Variants in LHFPL6 observed in about 807,000 individuals in gnomAD.
The protein encoded by LHFPL6 is LHFPL tetraspan subfamily member 6 protein.
In LHFPL6, 9 loss-of-function variants were observed where a neutral mutation model predicts 20.6. The observed-to-expected ratio is 0.44, with a 90% CI of 0.26 to 0.76. LHFPL6 has a LOEUF of 0.76. Among genes scored for constraint, LHFPL6 ranks in the 30% least tolerant of loss-of-function variants. The pLI, the probability that LHFPL6 is intolerant of heterozygous loss-of-function variation, is 0.20. For missense variants in LHFPL6, 218 were observed against 253.5 expected (o/e 0.86, Z 0.95); for synonymous variants, 105 against 98.7 (o/e 1.06, Z -0.38).
chr13:39,399,195 C>T (rs1461123357), intron 2 of LHFPL6, among the ~76,000 whole-genome samples: 1 of 152,174 alleles, frequency 6.6e-6, no homozygotes, highest in Non-Finnish European at 1.5e-5. Flanking sequence ...TAGGGTCAAT[C>T]TGGTTTATTC....
chr13:39,594,326 CA>C (rs1309036141), intron 2 of LHFPL6, among the ~76,000 whole-genome samples: 8 of 152,190 alleles, frequency 5.3e-5, no homozygotes, highest in African/African-American at 1.9e-4. Flanking sequence ...AGACACTTCT[CA>C]AAAGAAGACA....
chr13:39,492,153 T>C (rs1051034858), intron 2 of LHFPL6, among the ~76,000 whole-genome samples: 1 of 152,178 alleles, frequency 6.6e-6, no homozygotes, highest in Non-Finnish European at 1.5e-5. Flanking sequence ...ATGAGTACAT[T>C]GTGAATATGA....
At chr13:39,552,529 T>C (rs1435461101) in intron 2 of LHFPL6, among the ~76,000 whole-genome samples, 1 of 152,216 alleles carries the variant, frequency 6.6e-6, no homozygotes, top group Non-Finnish European at 1.5e-5. Flanking sequence ...GTGTCTATTT[T>C]ACATAAAGAT....
At chr13:39,510,191 G>A (rs374440454) in intron 2 of LHFPL6, among the ~76,000 whole-genome samples, 11 of 152,176 alleles carry the variant, frequency 7.2e-5, no homozygotes, top group African/African-American at 2.7e-4. Context: ...AGCACTTCAC[G>A]TGAGAGTAAA....
At chr13:39,592,212 T>A (rs1243467125) in intron 2 of LHFPL6, among the ~76,000 whole-genome samples, 1 of 151,910 alleles carries the variant, frequency 6.6e-6, no homozygotes, top group East Asian at 1.9e-4. Flanking sequence ...AACAAGCTTT[T>A]TAGAAAAAAA....
At chr13:39,553,309 T>C (rs1871197176) in intron 2 of LHFPL6, among the ~76,000 whole-genome samples, 2 of 152,168 alleles carry the variant, frequency 1.3e-5, no homozygotes, top group African/African-American at 4.8e-5. Context: ...CTCCCTGGAA[T>C]GTAAATTTGC....
intron 2 of LHFPL6, among the ~76,000 whole-genome samples, chr13:39,522,324 C>T (rs1870133661): frequency 6.6e-6 from 1 of 152,222 alleles, no homozygotes; most frequent in Non-Finnish European, 1.5e-5. Flanking sequence ...GATTACACAG[C>T]TAGTAAGTGG....
At chr13:39,357,136 C>T (rs1363395528) in intron 3 of LHFPL6, among the ~76,000 whole-genome samples, 1 of 152,154 alleles carries the variant, frequency 6.6e-6, no homozygotes, top group Non-Finnish European at 1.5e-5. Flanking sequence ...GGTGCCACTG[C>T]ACTCCAGCCT....
intron 2 of LHFPL6, among the ~76,000 whole-genome samples, chr13:39,561,526 A>G (rs1435582638): frequency 2.0e-5 from 3 of 152,200 alleles, no homozygotes; most frequent in Admixed American, 6.5e-5. Context: ...GCTGGAGTGC[A>G]GTGGTGCAAT....
chr13:39,413,323 C>T (rs1235670659), intron 2 of LHFPL6, among the ~76,000 whole-genome samples: 1 of 152,060 alleles, frequency 6.6e-6, no homozygotes, highest in Non-Finnish European at 1.5e-5. Flanking sequence ...TGAAATGTAT[C>T]CACATTGATA....
Position 39,343,689 on chromosome 13 carries a change from T to C in LHFPL6, c.*247A>G. On this transcript the variant is annotated 3_prime_UTR_variant, in exon 4 of 4. Transcript: ENST00000379589. ...TACTCTGTGGAATAGAAACACCCGA[T>C]GCCCTGCAATATTTTTAGCCTTTGG... 1 of 415,128 alleles carries C rather than the reference T, an allele frequency of 2.4e-6. No individual in the cohort carries two copies. The highest frequency in any genetic ancestry group is 3.8e-5 in the East Asian group (1 of 26,148). 25.7% of individuals were successfully genotyped at this position (415,128 alleles called of 1,614,324 possible). A position where few individuals can be genotyped will look rare whatever the true frequency, so the allele number is the denominator to read the frequency against.
intron 2 of LHFPL6, among the ~76,000 whole-genome samples, chr13:39,525,170 C>T (rs889963432): frequency 1.3e-5 from 2 of 152,274 alleles, no homozygotes; most frequent in South Asian, 2.1e-4. Flanking sequence ...AGAGGTGCTG[C>T]CAATTGCTTT....
intron 2 of LHFPL6, among the ~76,000 whole-genome samples, chr13:39,542,126 A>AATAATAATG (rs1376468100): frequency 6.8e-6 from 1 of 148,134 alleles, no homozygotes; most frequent in African/African-American, 2.5e-5. Flanking sequence ...TAATAATAAT[A>AATAATAATG]ATAATAAAAT....
At chr13:39,546,032 C>T (rs762404510) in intron 2 of LHFPL6, among the ~76,000 whole-genome samples, 1 of 152,006 alleles carries the variant, frequency 6.6e-6, no homozygotes, top group South Asian at 2.1e-4. Context: ...AGATGTGGAA[C>T]CTATGGATAT....
intron 2 of LHFPL6, among the ~76,000 whole-genome samples, chr13:39,505,105 A>C (rs1182470452): frequency 3.3e-5 from 5 of 152,168 alleles, no homozygotes; most frequent in African/African-American, 1.2e-4. Flanking sequence ...TTTTCTCTTA[A>C]ACATTCTTCT....
intron 2 of LHFPL6, among the ~76,000 whole-genome samples, chr13:39,567,549 G>T (rs1048175247): frequency 2.0e-5 from 3 of 151,978 alleles, no homozygotes; most frequent in Non-Finnish European, 4.4e-5. Flanking sequence ...GCCACATAAG[G>T]TTTTCTTCCT....
Position 39,359,035 on chromosome 13 carries a change from G to A in LHFPL6, c.485-14981C>T, listed in dbSNP as rs532075502. Among the ~76,000 whole-genome samples the A allele has an allele frequency of 2.0e-5, 3 of 150,990 alleles. No homozygotes were observed. In the South Asian group the frequency reaches 6.2e-4, roughly 31 times the overall value. On this transcript the variant is annotated intron_variant, in intron 3 of 3. Transcript: ENST00000379589. ...AAAATACAAAATCAGCAGGGCGGGCGCCTGTAATCCCAGCTACTCGGGAGG... is the reference window on the plus strand; with the variant it reads ...AAAATACAAAATCAGCAGGGCGGGCACCTGTAATCCCAGCTACTCGGGAGG...
At chr13:39,475,303 A>G (rs549303748) in intron 2 of LHFPL6, among the ~76,000 whole-genome samples, 1 of 151,774 alleles carries the variant, frequency 6.6e-6, no homozygotes, top group African/African-American at 2.4e-5. Flanking sequence ...ATGCTTGTAC[A>G]TGATCCTAAT....
intron 2 of LHFPL6, among the ~76,000 whole-genome samples, chr13:39,465,426 T>G (rs59798386): frequency 0.16 from 23,721 of 152,034 alleles, 3,456 homozygotes; most frequent in East Asian, 0.51. Context: ...ATTCCCCTAA[T>G]TTAGGAACTA....
Sources: allele counts gnomAD v4.1 joint callset (sites outside exome capture counted in the v4.1 genomes callset), GRCh38; gene constraint gnomAD v4.1.1; transcripts MANE v1.5; gene names NCBI Gene and HGNC (gene_info 2026-07-23, HGNC 2026-07-21).